PLA2R1: variants seen among roughly 807,000 people sequenced by gnomAD.
The protein encoded by PLA2R1 is secretory phospholipase A2 receptor.
PLA2R1 carries 158 observed loss-of-function variants against 195.9 expected under a neutral mutation model. The observed-to-expected ratio is 0.81, with a 90% CI of 0.71 to 0.92. The LOEUF (loss-of-function observed/expected upper bound fraction) is 0.92, where lower values mean the gene tolerates loss of function less well. Among genes scored for constraint, PLA2R1 ranks in the 40% least tolerant of loss-of-function variants. PLA2R1 has a pLI of 0.00. For synonymous variants in PLA2R1, 586 were observed against 598.2 expected (o/e 0.98, Z 0.30); for missense variants, 1,626 against 1,764.6 (o/e 0.92, Z 1.41).
intron 9 of PLA2R1, among the ~76,000 whole-genome samples, chr2:160,014,429 G>A (rs2715945): frequency 0.73 from 110,120 of 151,702 alleles, 40,568 homozygotes; most frequent in East Asian, 0.87. Flanking sequence ...GAATGTGCCC[G>A]ATCTCATCTG....
intron 10 of PLA2R1, among the ~76,000 whole-genome samples, chr2:160,007,768 G>A (rs544414494): frequency 2.0e-5 from 3 of 152,278 alleles, no homozygotes; most frequent in East Asian, 1.9e-4. Flanking sequence ...AATAAATCCC[G>A]TGTTCATGCC....
downstream of PLA2R1, among the ~76,000 whole-genome samples, chr2:159,929,323 CA>C (rs951582010): frequency 1.2e-4 from 18 of 151,916 alleles, no homozygotes; most frequent in African/African-American, 4.1e-4. Context: ...ACAATCCCAC[CA>C]AAAAGTGGAC....
At chr2:159,970,371 C>G (rs2105241768) in intron 17 of PLA2R1, among the ~76,000 whole-genome samples, 159 bp from the exon 18 acceptor site, 1 of 152,248 alleles carries the variant, frequency 6.6e-6, no homozygotes. Context: ...AAACCTGAAA[C>G]TTCATTATCC....
intron 27 of PLA2R1, chr2:159,945,809 C>T (rs1185353607): frequency 1.0e-6 from 1 of 980,498 alleles, no homozygotes; most frequent in Non-Finnish European, 1.2e-6. Flanking sequence ...AAAAGGTAGG[C>T]ATTAATAAAG....
intron 20 of PLA2R1, among the ~76,000 whole-genome samples, chr2:159,960,873 A>G (rs1167158422): frequency 1.3e-5 from 2 of 152,222 alleles, no homozygotes; most frequent in Non-Finnish European, 1.5e-5. Context: ...GTCCTAGGAA[A>G]TTCACAAACA....
Position 160,044,405 on chromosome 2 carries a change from G to T in PLA2R1, c.493+369C>A, listed in dbSNP as rs137913810. ...AGAGAAATGGCGGCAGGGGAGGAGA[G>T]ATTATTATATTTGTCATGACAAAAG... On this transcript the variant is annotated intron_variant, in intron 2 of 29. Transcript: ENST00000283243. Among the ~76,000 whole-genome samples, 570 of 152,216 alleles carry T rather than the reference G, an allele frequency of 3.7e-3. 2 individuals are homozygous for T. Among genetic ancestry groups the T allele is most frequent in the African/African-American group, 0.013 (537 of 41,520 alleles).
At chr2:159,994,162 C>A (rs571136393) in intron 11 of PLA2R1, among the ~76,000 whole-genome samples, 38 of 151,942 alleles carry the variant, frequency 2.5e-4, no homozygotes, top group African/African-American at 9.2e-4. Flanking sequence ...AAAATAAAAT[C>A]TGAATTTGAT....
intron 1 of PLA2R1, among the ~76,000 whole-genome samples, chr2:160,058,121 A>G (rs1328913883): frequency 1.3e-5 from 2 of 152,144 alleles, no homozygotes; most frequent in Non-Finnish European, 2.9e-5. Flanking sequence ...CAAAAAAAAA[A>G]ACTACTTGCA....
At chr2:160,027,355 G>C (rs1377932299) in intron 6 of PLA2R1, among the ~76,000 whole-genome samples, 1 of 151,114 alleles carries the variant, frequency 6.6e-6, no homozygotes, top group Non-Finnish European at 1.5e-5. Flanking sequence ...AGGAAGAGAG[G>C]GAGGGAAAAG....
intron 27 of PLA2R1, among the ~76,000 whole-genome samples, chr2:159,945,360 C>G (rs1005916475): frequency 2.6e-5 from 4 of 151,776 alleles, no homozygotes; most frequent in African/African-American, 4.8e-5. Flanking sequence ...CCCCCCACCC[C>G]ACAACAGTCC....
At chr2:160,031,435 T>C (rs1167172671) in intron 4 of PLA2R1, among the ~76,000 whole-genome samples, 2 of 152,218 alleles carry the variant, frequency 1.3e-5, no homozygotes, top group East Asian at 1.9e-4. Flanking sequence ...ATAACCAGAT[T>C]ACCAAACTGT....
intron 20 of PLA2R1, among the ~76,000 whole-genome samples, chr2:159,966,315 T>C (rs955084572): frequency 1.9e-4 from 29 of 152,278 alleles, no homozygotes; most frequent in African/African-American, 7.0e-4. Context: ...CTGATTCCAC[T>C]TACATGAGGT....
intron 1 of PLA2R1, among the ~76,000 whole-genome samples, chr2:160,060,265 G>A (rs1050891852): frequency 6.6e-6 from 1 of 152,168 alleles, no homozygotes; most frequent in Non-Finnish European, 1.5e-5. Context: ...TGAACACAGC[G>A]GTAAACTGAG....
intron 12 of PLA2R1, among the ~76,000 whole-genome samples, chr2:159,986,920 T>C (rs550152527): frequency 6.6e-6 from 1 of 152,256 alleles, no homozygotes; most frequent in African/African-American, 2.4e-5. Context: ...CAGATATCAA[T>C]CTTCATGAGG....
At chr2:160,058,214 T>A (rs11902480) in intron 1 of PLA2R1, among the ~76,000 whole-genome samples, 25,840 of 152,046 alleles carry the variant, frequency 0.17, 2,898 homozygotes, top group East Asian at 0.36. Flanking sequence ...GCCTGACAGA[T>A]AATGAACAAC....
intron 11 of PLA2R1, among the ~76,000 whole-genome samples, chr2:159,992,949 A>T (rs890084292): frequency 6.6e-6 from 1 of 152,122 alleles, no homozygotes; most frequent in Non-Finnish European, 1.5e-5. Flanking sequence ...ACAGAGCCTG[A>T]GTTATGGAGG....
chr2:160,035,347 G>A (rs1312057233), intron 3 of PLA2R1, among the ~76,000 whole-genome samples: 1 of 152,196 alleles, frequency 6.6e-6, no homozygotes, highest in Non-Finnish European at 1.5e-5. Flanking sequence ...TTTGGCAGAA[G>A]AGTCTCTTTG....
At chr2:159,953,318 A>AT (rs765662729) in intron 23 of PLA2R1, among the ~76,000 whole-genome samples, 3 of 152,120 alleles carry the variant, frequency 2.0e-5, no homozygotes, top group Admixed American at 6.5e-5. Flanking sequence ...CAGTTTCTTA[A>AT]TTTTTTTGGC....
chr2:160,041,493 T>G lies in PLA2R1; in HGVS notation c.667+532A>C, dbSNP rs552356936. On this transcript the variant is annotated intron_variant, in intron 3 of 29. Coordinates refer to ENST00000283243, the MANE Select transcript of PLA2R1 (RefSeq NM_007366.5). Reference sequence around the variant, plus strand: ...AAAAAATGAGGTTATAGCCAGAAGGTAAATAGTAGGAAAGGGAGTCAAGAC... The same window carrying G: ...AAAAAATGAGGTTATAGCCAGAAGGGAAATAGTAGGAAAGGGAGTCAAGAC... 1.2e-3 allele frequency among the ~76,000 whole-genome samples: 182 copies of G among 151,994 alleles called. 1 individual carries two copies. The highest frequency in any genetic ancestry group is 2.4e-3 in the Non-Finnish European group (161 of 67,950).
Sources: allele counts gnomAD v4.1 joint callset (sites outside exome capture counted in the v4.1 genomes callset), GRCh38; gene constraint gnomAD v4.1.1; transcripts MANE v1.5; gene names NCBI Gene and HGNC (gene_info 2026-07-23, HGNC 2026-07-21).